GULP1: variants seen among roughly 807,000 people sequenced by gnomAD.
GULP1 encodes the protein GULP PTB domain containing engulfment adaptor 1.
GULP1 carries 19 observed loss-of-function variants against 40.9 expected under a neutral mutation model. The ratio of observed to expected loss-of-function variants is 0.46; its 90% confidence interval spans 0.32 to 0.68. The LOEUF (loss-of-function observed/expected upper bound fraction) is 0.68. Among genes scored for constraint, GULP1 ranks in the 30% least tolerant of loss-of-function variants. The probability of loss-of-function intolerance (pLI) is 0.03; values close to 1 mark genes in which losing one functional copy is unlikely to be tolerated. For synonymous variants in GULP1, 119 were observed against 117.6 expected, an observed-to-expected ratio of 1.01 and a Z score of -0.08; for missense variants, 312 against 362.2, an observed-to-expected ratio of 0.86 and a Z score of 1.12.
chr2:188,462,707 C>T (rs1358371260), intron 2 of GULP1, among the ~76,000 whole-genome samples: 1 of 151,876 alleles, frequency 6.6e-6, no homozygotes, highest in African/African-American at 2.4e-5. Context: ...TTCCTGTTTT[C>T]CTTTTATTGA....
chr2:188,390,034 A>G (rs185720505), intron 2 of GULP1, among the ~76,000 whole-genome samples: 42 of 151,740 alleles, frequency 2.8e-4, no homozygotes, highest in African/African-American at 1.0e-3. Flanking sequence ...GTCCATGGGC[A>G]CTTAAGTTGC....
At position 188,368,247 on chromosome 2, in the gene GULP1, G is replaced by GT. The variant is rs1427885599; in HGVS notation, c.-171-15510dup. On this transcript the variant is annotated intron_variant, in intron 1 of 11. Coordinates refer to ENST00000409830, the MANE Select transcript of GULP1 (RefSeq NM_016315.4). ...GATCTATAAAACTGAGAAAGAATGT[G>GT]TTTTTTCTGCGACATTGATGGAACC... is the stretch of plus-strand genomic sequence containing the variant. 3.3e-5 allele frequency among the ~76,000 whole-genome samples: 5 copies of GT among 152,240 alleles called. No individual in the cohort carries two copies. In the East Asian group the frequency reaches 7.7e-4, roughly 24 times the overall value.
chr2:188,353,750 C>T (rs1296118600), intron 1 of GULP1, among the ~76,000 whole-genome samples: 1 of 151,610 alleles, frequency 6.6e-6, no homozygotes, highest in Non-Finnish European at 1.5e-5. Context: ...GTAATGTACC[C>T]TAGTACCCAA....
intron 4 of GULP1, among the ~76,000 whole-genome samples, chr2:188,486,865 T>C (rs1487199611): frequency 6.6e-6 from 1 of 151,768 alleles, no homozygotes; most frequent in Non-Finnish European, 1.5e-5. Context: ...TATGAAAAAA[T>C]GTGGTCATGA....
At chr2:188,416,268 G>A (rs2054567740) in intron 2 of GULP1, among the ~76,000 whole-genome samples, 1 of 151,526 alleles carries the variant, frequency 6.6e-6, no homozygotes, top group Admixed American at 6.6e-5. Context: ...TTTTCCTTTG[G>A]GGTGGGGTAT....
chr2:188,564,946 AAAAAG>A (rs1697287635), intron 7 of GULP1, among the ~76,000 whole-genome samples: 1 of 151,968 alleles, frequency 6.6e-6, no homozygotes, highest in Non-Finnish European at 1.5e-5. Flanking sequence ...ATTCAATGGA[AAAAAG>A]AAAGTCTTTT....
chr2:188,350,237 G>A (rs1030581029), intron 1 of GULP1, among the ~76,000 whole-genome samples: 1 of 152,004 alleles, frequency 6.6e-6, no homozygotes, highest in African/African-American at 2.4e-5. Context: ...CTTCAAGAAA[G>A]GCAGCTGAAA....
At position 188,407,977 on chromosome 2, in the gene GULP1, A is replaced by G. The variant is rs375246186; in HGVS notation, c.-45+24088A>G. Among the ~76,000 whole-genome samples, 33 of 152,324 alleles carry G rather than the reference A, an allele frequency of 2.2e-4. 1 individual carries two copies. Among genetic ancestry groups the G allele is most frequent in the African/African-American group, 7.9e-4 (33 of 41,570 alleles). ...GAAATTCCATGTAAATGGAAACCAA[A>G]AGAGAGCAGAGGTAGTGCTGTGATT... On this transcript the variant is annotated intron_variant, in intron 2 of 11. Transcript: ENST00000409830.
chr2:188,548,783 T>A (rs1200539722), intron 7 of GULP1, among the ~76,000 whole-genome samples: 1 of 151,970 alleles, frequency 6.6e-6, no homozygotes, highest in Non-Finnish European at 1.5e-5. Context: ...TATGCCCAGC[T>A]AATGTTTGTC....
At chr2:188,309,855 A>G (rs961330621) in intron 1 of GULP1, among the ~76,000 whole-genome samples, 5 of 152,118 alleles carry the variant, frequency 3.3e-5, no homozygotes, top group African/African-American at 1.2e-4. Context: ...TTTAAAGCTT[A>G]TTTTTTGCTA....
chr2:188,540,430 T>C (rs1690159464), intron 6 of GULP1, among the ~76,000 whole-genome samples: 1 of 35,120 alleles, frequency 2.8e-5, no homozygotes, highest in Admixed American at 4.6e-4. Context: ...AGTTTTATAA[T>C]TTAATATGTG....
At chr2:188,392,399 A>G (rs753519986) in intron 2 of GULP1, among the ~76,000 whole-genome samples, 1 of 152,008 alleles carries the variant, frequency 6.6e-6, no homozygotes, top group Non-Finnish European at 1.5e-5. Context: ...AGAGGTGTTC[A>G]TAGTAGTCTC....
rs936837295 is a variant in GULP1 at position 188,502,457 on chromosome 2, G to A, written c.90+18965G>A. On this transcript the variant is annotated intron_variant, in intron 4 of 11. Coordinates refer to ENST00000409830, the MANE Select transcript of GULP1 (RefSeq NM_016315.4). ...TTATTCATTTTCCCTCTAAAGTAAT[G>A]TCTATAATTTATGTAGTAATACCCA... Among the ~76,000 whole-genome samples the A allele has an allele frequency of 1.3e-5, 2 of 151,774 alleles. 1 individual carries two copies. Among genetic ancestry groups the A allele is most frequent in the Admixed American group, 1.3e-4 (2 of 15,206 alleles).
At chr2:188,558,221 C>T (rs1036545943) in intron 7 of GULP1, among the ~76,000 whole-genome samples, 1 of 152,140 alleles carries the variant, frequency 6.6e-6, no homozygotes, top group Non-Finnish European at 1.5e-5. Context: ...TCCCATAATA[C>T]CCATATGTTG....
At chr2:188,308,559 ACTGAACTTCTCCAAGTT>A (rs1457579659) in intron 1 of GULP1, among the ~76,000 whole-genome samples, 1 of 152,182 alleles carries the variant, frequency 6.6e-6, no homozygotes, top group Non-Finnish European at 1.5e-5. Flanking sequence ...CATCTTATGT[ACTGAACTTCTCCAAGTT>A]CTGAACTTCT....
chr2:188,592,930 A>C (rs1703861894), intron 11 of GULP1: 1 of 152,076 alleles, frequency 6.6e-6, no homozygotes. Context: ...TGCTATCTGC[A>C]TATTATTTGC....
intron 2 of GULP1, among the ~76,000 whole-genome samples, chr2:188,416,638 T>G (rs1427758746): frequency 6.6e-6 from 1 of 152,190 alleles, no homozygotes; most frequent in Non-Finnish European, 1.5e-5. Context: ...TTGGCATGGA[T>G]CACAGCTTTA....
At chr2:188,527,509 A>G (rs1282704364) in intron 5 of GULP1, among the ~76,000 whole-genome samples, 1 of 152,100 alleles carries the variant, frequency 6.6e-6, no homozygotes, top group Non-Finnish European at 1.5e-5. Context: ...AATTCATATT[A>G]TTTGGGAGAG....
intron 2 of GULP1, among the ~76,000 whole-genome samples, chr2:188,447,007 C>T (rs576035644): frequency 6.6e-6 from 1 of 152,048 alleles, no homozygotes; most frequent in Admixed American, 6.5e-5. Flanking sequence ...GGCATAGCCT[C>T]GTTTTATGCA....
Sources: allele counts gnomAD v4.1 joint callset (sites outside exome capture counted in the v4.1 genomes callset), GRCh38; gene constraint gnomAD v4.1.1; transcripts MANE v1.5; gene names NCBI Gene and HGNC (gene_info 2026-07-23, HGNC 2026-07-21).